The following CTNNA2 variants were observed in gnomAD, a reference collection of about 807,000 sequenced individuals.
The protein encoded by CTNNA2 is catenin alpha 2.
CTNNA2 carries 42 observed loss-of-function variants against 101.0 expected under a neutral mutation model. That is an observed-to-expected ratio of 0.42 (90% CI 0.32 to 0.54). The LOEUF (loss-of-function observed/expected upper bound fraction) is 0.54, where lower values mean the gene tolerates loss of function less well. Among genes scored for constraint, CTNNA2 ranks in the 20% least tolerant of loss-of-function variants. The pLI is 0.14. For missense variants in CTNNA2, 871 were observed against 1,223.1 expected (o/e 0.71, Z 4.29); for synonymous variants, 450 against 456.4 (o/e 0.99, Z 0.18).
At chr2:79,950,477 G>C (rs975635199) in intron 7 of CTNNA2, among the ~76,000 whole-genome samples, 2 of 152,156 alleles carry the variant, frequency 1.3e-5, no homozygotes. Flanking sequence ...CAGAGGCTTC[G>C]CTGTGTATTG....
intron 3 of CTNNA2, among the ~76,000 whole-genome samples, chr2:79,765,347 G>A (rs1673077317): frequency 6.6e-6 from 1 of 151,972 alleles, no homozygotes; most frequent in Admixed American, 6.6e-5. Flanking sequence ...TTTTTCTAAA[G>A]CTATCTAAAT....
intron 4 of CTNNA2, among the ~76,000 whole-genome samples, chr2:79,475,594 A>G (rs1260246617): frequency 2.0e-5 from 3 of 152,176 alleles, no homozygotes; most frequent in Non-Finnish European, 4.4e-5. Flanking sequence ...TACCAATCCT[A>G]TAAAAATTTT....
At chr2:80,355,684 C>T (rs1346182771) in intron 7 of CTNNA2, among the ~76,000 whole-genome samples, 1 of 152,148 alleles carries the variant, frequency 6.6e-6, no homozygotes, top group Non-Finnish European at 1.5e-5. Flanking sequence ...GACCATTTCT[C>T]ATCAGCAAAG....
At chr2:79,887,895 A>G (rs1684005417) in intron 6 of CTNNA2, among the ~76,000 whole-genome samples, 2 of 152,128 alleles carry the variant, frequency 1.3e-5, no homozygotes, top group South Asian at 4.1e-4. Context: ...TTCTAACTGG[A>G]AACAAGCAGG....
chr2:79,210,088 T>TTGTGTGTGTGTGTGTGTG lies in CTNNA2; in HGVS notation c.-406+12022_-406+12039dup, dbSNP rs59836500. Among the ~76,000 whole-genome samples the TTGTGTGTGTGTGTGTGTG allele has an allele frequency of 7.5e-3, 1,082 of 144,860 alleles. 16 individuals are homozygous for TTGTGTGTGTGTGTGTGTG. Among genetic ancestry groups the TTGTGTGTGTGTGTGTGTG allele is most frequent in the Admixed American group, 0.025 (360 of 14,340 alleles). On this transcript the variant is annotated intron_variant, in intron 2 of 21. Coordinates refer to the CTNNA2 transcript ENST00000466387. ...TTTGAGATTACAGAGTCAAGCTATA[T>TTGTGTGTGTGTGTGTGTG]TGTGTGTGTGTGTGTGTGTGTGTGT... is the stretch of plus-strand genomic sequence containing the variant.
At chr2:80,347,853 T>C (rs1672902217) in intron 7 of CTNNA2, among the ~76,000 whole-genome samples, 1 of 151,798 alleles carries the variant, frequency 6.6e-6, no homozygotes, top group Non-Finnish European at 1.5e-5. Context: ...CTTTTTTTTT[T>C]TCCAGAAGGG....
chr2:79,651,124 C>A (rs1397477437), intron 1 of CTNNA2, among the ~76,000 whole-genome samples: 1 of 152,082 alleles, frequency 6.6e-6, no homozygotes, highest in Non-Finnish European at 1.5e-5. Flanking sequence ...CCTCAGGGAT[C>A]TAGAACTCTC....
intron 8 of CTNNA2, among the ~76,000 whole-genome samples, chr2:80,411,792 A>T (rs573635921): frequency 6.6e-6 from 1 of 152,302 alleles, no homozygotes; most frequent in East Asian, 1.9e-4. Flanking sequence ...CCTCACCTAT[A>T]AAAGGAATAA....
intron 1 of CTNNA2, among the ~76,000 whole-genome samples, chr2:79,597,546 C>T (rs1677281694): frequency 6.6e-6 from 1 of 151,844 alleles, no homozygotes; most frequent in Non-Finnish European, 1.5e-5. Flanking sequence ...GGACTGTGGC[C>T]GTGATAGATC....
chr2:80,191,887 A>G (rs901782867), intron 7 of CTNNA2, among the ~76,000 whole-genome samples: 1 of 152,214 alleles, frequency 6.6e-6, no homozygotes, highest in South Asian at 2.1e-4. Flanking sequence ...CCAAACATGG[A>G]CATCTTTTAC....
At chr2:79,796,596 C>G (rs752132345) in intron 3 of CTNNA2, among the ~76,000 whole-genome samples, 4 of 152,146 alleles carry the variant, frequency 2.6e-5, no homozygotes, top group Non-Finnish European at 5.9e-5. Flanking sequence ...AGGCAGCATC[C>G]AACGGGCTCA....
intron 7 of CTNNA2, among the ~76,000 whole-genome samples, chr2:80,378,221 G>T (rs1177241158): frequency 6.6e-6 from 1 of 151,940 alleles, no homozygotes; most frequent in Non-Finnish European, 1.5e-5. Flanking sequence ...AGCCGGGCAT[G>T]GTGGCGCGCC....
intron 7 of CTNNA2, among the ~76,000 whole-genome samples, chr2:80,182,282 C>T (rs1361702467): frequency 6.6e-6 from 1 of 152,148 alleles, no homozygotes; most frequent in Admixed American, 6.6e-5. Context: ...TGTTTGAGGG[C>T]AGGAAGCATC....
At chr2:79,280,669 GAGAGAGAGAGAGAGAA>G (rs1335533935) in intron 2 of CTNNA2, among the ~76,000 whole-genome samples, 145 of 83,214 alleles carry the variant, frequency 1.7e-3, no homozygotes, top group African/African-American at 6.1e-3. Flanking sequence ...GAGAAAGAGA[GAGAGAGAGAGAGAGAA>G]AGAGAGAGAG....
rs61641596 is a variant in CTNNA2 at position 79,488,318 on chromosome 2, CAAAAAAAAAAAAAA to C, written c.-134-16724_-134-16711del. Among the ~76,000 whole-genome samples the C allele has an allele frequency of 3.7e-4, 37 of 99,914 alleles. 1 individual carries two copies. The highest frequency in any genetic ancestry group is 0.011 in the Middle Eastern group (2 of 182). The allele number at this position is 99,914 out of a possible 152,430, so 65.5% of individuals were successfully genotyped here. The stretch of plus-strand genomic sequence containing the variant: ...GGGCAACAAGAGTGAAACTCCATCT[CAAAAAAAAAAAAAA>C]AAAAAAAAAAACACAGTTCAAACAC... On this transcript the variant is annotated intron_variant, in intron 4 of 21. Transcript: ENST00000466387.
intron 7 of CTNNA2, among the ~76,000 whole-genome samples, chr2:80,035,777 G>C (rs1341962448): frequency 6.6e-6 from 1 of 152,200 alleles, no homozygotes; most frequent in Non-Finnish European, 1.5e-5. Flanking sequence ...AATTTCACCT[G>C]TATCGAATCA....
At chr2:79,575,804 A>T (rs1295197034) in intron 1 of CTNNA2, among the ~76,000 whole-genome samples, 1 of 152,198 alleles carries the variant, frequency 6.6e-6, no homozygotes, top group Non-Finnish European at 1.5e-5. Context: ...GCTTGGATTG[A>T]AGTACAAGAG....
chr2:79,879,260 G>A (rs1683247581), intron 6 of CTNNA2, among the ~76,000 whole-genome samples: 1 of 152,134 alleles, frequency 6.6e-6, no homozygotes, highest in Admixed American at 6.5e-5. Flanking sequence ...GATGCCTCTA[G>A]CTTTGTTCTT....
intron 7 of CTNNA2, among the ~76,000 whole-genome samples, chr2:80,306,761 G>A (rs1043545805): frequency 3.3e-5 from 5 of 151,608 alleles, no homozygotes; most frequent in African/African-American, 1.2e-4. Flanking sequence ...AGCGAGTACT[G>A]TGAGTACACA....
Sources: allele counts gnomAD v4.1 joint callset (sites outside exome capture counted in the v4.1 genomes callset), GRCh38; gene constraint gnomAD v4.1.1; transcripts MANE v1.5; gene names NCBI Gene and HGNC (gene_info 2026-07-23, HGNC 2026-07-21).